Variants in BLTP1 observed in about 807,000 individuals in gnomAD.
The protein encoded by BLTP1 is bridge-like lipid transfer protein family member 1.
chr4:122,248,362 T>C, the BLTP1 span, among the ~76,000 whole-genome samples: 5 of 152,008 alleles, frequency 3.3e-5, no homozygotes, highest in Non-Finnish European at 5.9e-5. Context: ...AACACTCTCA[T>C]TGAAGACAAA....
chr4:122,291,909 G>A, the BLTP1 span: 1 of 735,828 alleles, frequency 1.4e-6, no homozygotes, highest in South Asian at 6.2e-5. Context: ...AGGTATTCAA[G>A]GTTGTGATAG....
At chr4:122,175,542 T>C in the BLTP1 span, among the ~76,000 whole-genome samples, 206 of 152,274 alleles carry the variant, frequency 1.4e-3, 3 homozygotes, top group African/African-American at 4.6e-3. Flanking sequence ...AGCGCTTCAT[T>C]TTCCTGTGAC....
At chr4:122,285,443 C>T in the BLTP1 span, among the ~76,000 whole-genome samples, 1 of 151,958 alleles carries the variant, frequency 6.6e-6, no homozygotes, top group African/African-American at 2.4e-5. Flanking sequence ...AAATGATAGT[C>T]AAGGAGTCTC....
chr4:122,318,346 G>A, the BLTP1 span: 2 of 1,155,580 alleles, frequency 1.7e-6, no homozygotes, highest in South Asian at 1.3e-5. Flanking sequence ...TGCGTACCAG[G>A]TACCATCTAA....
chr4:122,242,172 TC>T, the BLTP1 span, among the ~76,000 whole-genome samples: 1 of 152,278 alleles, frequency 6.6e-6, no homozygotes, highest in East Asian at 1.9e-4. Context: ...ATGTCTGTAC[TC>T]CCATGTTAAT....
At chr4:122,301,429 A>T in the BLTP1 span, 2 of 1,342,370 alleles carry the variant, frequency 1.5e-6, no homozygotes, top group Non-Finnish European at 2.0e-6. Context: ...TTTTATAAAA[A>T]TTTTTCTAAT....
the BLTP1 span, among the ~76,000 whole-genome samples, chr4:122,311,916 A>G: frequency 2.6e-4 from 40 of 152,316 alleles, no homozygotes; most frequent in African/African-American, 9.4e-4. Context: ...GGAAGAGACT[A>G]GTTGATTTCT....
chr4:122,239,972 G>C, the BLTP1 span: 1 of 1,614,092 alleles, frequency 6.2e-7, no homozygotes, highest in Non-Finnish European at 8.5e-7. Flanking sequence ...ACTACAGTAG[G>C]GGTTCCATAT....
the BLTP1 span, chr4:122,347,643 C>CATG: frequency 1.2e-4 from 190 of 1,613,818 alleles, no homozygotes; most frequent in Non-Finnish European, 1.5e-4. Flanking sequence ...CCTTCACCCA[C>CATG]ATGCCTCAGT....
At chr4:122,351,226 GAAGT>G in the BLTP1 span, 24 of 841,826 alleles carry the variant, frequency 2.9e-5, no homozygotes, top group African/African-American at 7.4e-5. Flanking sequence ...TATTATCACA[GAAGT>G]AATACGTATA....
chr4:122,262,341 C>G, the BLTP1 span, among the ~76,000 whole-genome samples: 1 of 152,066 alleles, frequency 6.6e-6, no homozygotes, highest in East Asian at 1.9e-4. Flanking sequence ...CACAAACATG[C>G]TATGTATAAC....
chr4:122,298,967 T>G, the BLTP1 span: 12 of 985,140 alleles, frequency 1.2e-5, no homozygotes, highest in Non-Finnish European at 1.4e-5. Context: ...TGACAGAAGA[T>G]GAAGAGTTGG....
At chr4:122,331,090 C>A in the BLTP1 span, 1 of 964,636 alleles carries the variant, frequency 1.0e-6, no homozygotes, top group Non-Finnish European at 1.2e-6. Context: ...TATTCAGACT[C>A]CTTAAAAGTG....
At chr4:122,297,698 A>G in the BLTP1 span, among the ~76,000 whole-genome samples, 7 of 152,348 alleles carry the variant, frequency 4.6e-5, no homozygotes, top group East Asian at 3.9e-4. Context: ...AAAATGTGGT[A>G]TATATACACC....
chr4:122,244,169 A>C, the BLTP1 span: 1 of 896,588 alleles, frequency 1.1e-6, no homozygotes, highest in East Asian at 3.2e-5. Flanking sequence ...AAGATTATTG[A>C]TAGCTATTTT....
the BLTP1 span, chr4:122,246,195 C>G: frequency 2.5e-6 from 4 of 1,607,328 alleles, no homozygotes; most frequent in Non-Finnish European, 2.5e-6. Context: ...ACTGAGCAGT[C>G]TACAATAGGA....
the BLTP1 span, among the ~76,000 whole-genome samples, chr4:122,258,150 C>T: frequency 6.6e-6 from 1 of 151,822 alleles, no homozygotes; most frequent in South Asian, 2.1e-4. Context: ...TTAAGCTTTG[C>T]CAAAGATTAA....
chr4:122,224,936 T>TG, the BLTP1 span: 1 of 1,259,916 alleles, frequency 7.9e-7, no homozygotes, highest in Non-Finnish European at 1.0e-6. Context: ...AGACTTTCTT[T>TG]GGGAAAAATT....
chr4:122,257,392 A>G, the BLTP1 span: 3 of 1,613,936 alleles, frequency 1.9e-6, no homozygotes, highest in African/African-American at 1.3e-5. Context: ...TGAAACCTCA[A>G]ATAGCTATGG....
Sources: gnomAD v4.1 joint callset for allele counts (sites outside exome capture counted in the v4.1 genomes callset) on GRCh38, gnomAD v4.1.1 for gene constraint, MANE v1.5 for transcripts, NCBI Gene and HGNC (gene_info 2026-07-23, HGNC 2026-07-21) for gene names.